The following TBC1D32 variants were observed in gnomAD, a reference collection of about 807,000 sequenced individuals.
TBC1D32 encodes the protein protein broad-minded.
In TBC1D32, 151 loss-of-function variants were observed where a neutral mutation model predicts 170.3. The ratio of observed to expected loss-of-function variants is 0.89; its 90% confidence interval spans 0.78 to 1.01. The LOEUF is 1.01. Ranked by LOEUF, TBC1D32 falls within the 50% of genes least tolerant of loss-of-function variation. TBC1D32 has a pLI of 0.00. For missense variants in TBC1D32, 1,464 were observed against 1,457.1 expected, an observed-to-expected ratio of 1.00 and a Z score of -0.08; for synonymous variants, 498 against 488.0, an observed-to-expected ratio of 1.02 and a Z score of -0.27.
intron 20 of TBC1D32, among the ~76,000 whole-genome samples, chr6:121,228,883 T>C (rs74793715): frequency 0.024 from 3,671 of 152,272 alleles, 165 homozygotes; most frequent in East Asian, 0.12. Flanking sequence ...CCTTAAATTC[T>C]ATTTTAATAC....
intron 20 of TBC1D32, among the ~76,000 whole-genome samples, chr6:121,225,865 G>A (rs1794996923): frequency 6.6e-6 from 1 of 151,902 alleles, no homozygotes; most frequent in African/African-American, 2.4e-5. Context: ...TGTAATTATT[G>A]GTTCCCACAA....
intron 24 of TBC1D32, among the ~76,000 whole-genome samples, chr6:121,141,866 G>C (rs945862162): frequency 6.6e-6 from 1 of 152,034 alleles, no homozygotes; most frequent in African/African-American, 2.4e-5. Flanking sequence ...AAAAGCTTTA[G>C]GAAAAGGTTA....
intron 1 of TBC1D32, among the ~76,000 whole-genome samples, chr6:121,333,044 G>C (rs540390532): frequency 8.6e-5 from 13 of 152,036 alleles, no homozygotes; most frequent in Non-Finnish European, 1.6e-4. Context: ...ACACAAACTT[G>C]TACATAGAAT....
Position 121,108,449 on chromosome 6 carries a change from T to C in TBC1D32, c.3325-2286A>G, listed in dbSNP as rs555735775. The stretch of plus-strand genomic sequence containing the variant: ...TTTATCATTCAGAATATTGGATTAA[T>C]GGAACACATGCAGGACAACAGCATT... On this transcript the variant is annotated intron_variant, in intron 29 of 31. Coordinates refer to ENST00000398212, the MANE Select transcript of TBC1D32 (RefSeq NM_152730.6). 9.9e-5 allele frequency among the ~76,000 whole-genome samples: 15 copies of C among 152,182 alleles called. No individual in the cohort carries two copies. The South Asian group carries it at 2.9e-3, about 29-fold the overall frequency.
In TBC1D32 at chr6:121,112,400, T is replaced by C. The variant is rs1263040351; in HGVS notation, c.3324+105A>G. 4 of 1,026,500 alleles carry C rather than the reference T, an allele frequency of 3.9e-6. No individual in the cohort carries two copies. The African/African-American group carries it at 4.9e-5, about 13-fold the overall frequency. The allele number at this position is 1,026,500 out of a possible 1,614,324, so 63.6% of individuals were successfully genotyped here. Reference sequence around the variant, plus strand: ...AAACATTCAAGTAGAAAAATGAGTATAATTTATTACAAAGTCCTTCACAAA... The same window carrying C: ...AAACATTCAAGTAGAAAAATGAGTACAATTTATTACAAAGTCCTTCACAAA... On this transcript the variant is annotated intron_variant, in intron 29 of 31. Coordinates refer to ENST00000398212, the MANE Select transcript of TBC1D32 (RefSeq NM_152730.6).
intron 30 of TBC1D32, among the ~76,000 whole-genome samples, chr6:121,095,020 A>G (rs1051823166): frequency 1.3e-5 from 2 of 152,182 alleles, no homozygotes; most frequent in Non-Finnish European, 2.9e-5. Flanking sequence ...AAAAACGATC[A>G]GTTGAGTCTT....
At chr6:121,302,311 G>A (rs1001058174) in intron 9 of TBC1D32, among the ~76,000 whole-genome samples, 3 of 152,134 alleles carry the variant, frequency 2.0e-5, no homozygotes, top group East Asian at 1.9e-4. Context: ...GGCCCACAAC[G>A]CCAAAAATAT....
At chr6:121,274,177 A>G (rs1038967466) in intron 15 of TBC1D32, among the ~76,000 whole-genome samples, 5 of 152,094 alleles carry the variant, frequency 3.3e-5, no homozygotes, top group African/African-American at 1.2e-4. Flanking sequence ...TACTAAAAAT[A>G]CAAAAATGAG....
intron 22 of TBC1D32, among the ~76,000 whole-genome samples, chr6:121,171,086 C>G (rs1259105105): frequency 6.6e-6 from 1 of 151,948 alleles, no homozygotes; most frequent in Non-Finnish European, 1.5e-5. Flanking sequence ...ACTGCACTGT[C>G]TATGAAGTAC....
At chr6:121,322,412 T>C (rs1253662384) in intron 1 of TBC1D32, among the ~76,000 whole-genome samples, 1 of 152,186 alleles carries the variant, frequency 6.6e-6, no homozygotes, top group Non-Finnish European at 1.5e-5. Flanking sequence ...ACTCTCCATG[T>C]GATGTTTATT....
intron 22 of TBC1D32, among the ~76,000 whole-genome samples, chr6:121,191,520 T>A (rs1412058977): frequency 4.6e-5 from 7 of 152,156 alleles, no homozygotes; most frequent in African/African-American, 1.7e-4. Context: ...TAAAATTGTG[T>A]AAGAATTTAC....
chr6:121,100,934 T>A (rs1777978837), intron 30 of TBC1D32, among the ~76,000 whole-genome samples: 1 of 151,950 alleles, frequency 6.6e-6, no homozygotes, highest in Non-Finnish European at 1.5e-5. Context: ...AAATACAAAC[T>A]ACCATCAGAG....
rs879657258 is a variant in TBC1D32, at chr6:121,263,224, AC to A, written c.1734-6940del. 9.0e-3 allele frequency among the ~76,000 whole-genome samples: 1,282 copies of A among 142,320 alleles called. 24 individuals carry two copies. The highest frequency in any genetic ancestry group is 0.035 in the African/African-American group (1,210 of 34,378). 93.4% of individuals were successfully genotyped at this position (142,320 alleles called of 152,430 possible). A position where few individuals can be genotyped will look rare whatever the true frequency, so the allele number is the denominator to read the frequency against. On this transcript the variant is annotated intron_variant, in intron 15 of 31. Coordinates refer to ENST00000398212, the MANE Select transcript of TBC1D32 (RefSeq NM_152730.6). ...TATACACATAGGCTCAAAAAACAAA[AC>A]AAAAAAAAGATAGAGGTAAATCTAC...
intron 15 of TBC1D32, among the ~76,000 whole-genome samples, chr6:121,272,664 CTG>C (rs1801630570): frequency 6.6e-6 from 1 of 152,036 alleles, no homozygotes; most frequent in Non-Finnish European, 1.5e-5. Flanking sequence ...GTTGGTGGGA[CTG>C]TAAACTAGTT....
chr6:121,098,360 T>C (rs1777656545), intron 30 of TBC1D32, among the ~76,000 whole-genome samples: 1 of 152,000 alleles, frequency 6.6e-6, no homozygotes, highest in African/African-American at 2.4e-5. Context: ...TCATCTGCTT[T>C]CATCATAGAA....
intron 31 of TBC1D32, 129 bp from the exon 32 acceptor site, chr6:121,081,019 T>A: frequency 9.9e-7 from 1 of 1,010,284 alleles, no homozygotes; most frequent in Non-Finnish European, 1.4e-6. Context: ...ATGTTGCCAG[T>A]AAATGTGTCA....
At chr6:121,155,295 T>C (rs1784743979) in intron 24 of TBC1D32, among the ~76,000 whole-genome samples, 1 of 152,110 alleles carries the variant, frequency 6.6e-6, no homozygotes. Context: ...TGTTCTTGAT[T>C]TGGCTTTCAA....
chr6:121,106,502 C>T (rs1278446482), intron 29 of TBC1D32, among the ~76,000 whole-genome samples: 6 of 151,972 alleles, frequency 3.9e-5, no homozygotes, highest in East Asian at 1.9e-4. Context: ...AGTGAGTACA[C>T]GAGTAATACT....
chr6:121,270,922 T>C (rs1320618011), intron 15 of TBC1D32, among the ~76,000 whole-genome samples: 2 of 152,126 alleles, frequency 1.3e-5, no homozygotes, highest in African/African-American at 4.8e-5. Context: ...CACAAACAAG[T>C]TGACTTCATC....
Sources: allele counts gnomAD v4.1 joint callset (sites outside exome capture counted in the v4.1 genomes callset), GRCh38; gene constraint gnomAD v4.1.1; transcripts MANE v1.5; gene names NCBI Gene and HGNC (gene_info 2026-07-23, HGNC 2026-07-21).